The following TIMM23 variants were observed in gnomAD, a reference collection of about 807,000 sequenced individuals.
The protein encoded by TIMM23 is mitochondrial import inner membrane translocase subunit Tim23.
In TIMM23, 19 loss-of-function variants were observed where a neutral mutation model predicts 30.7. The observed-to-expected ratio is 0.62, with a 90% confidence interval of 0.43 to 0.91. TIMM23 has a LOEUF of 0.91. Among genes scored for constraint, TIMM23 ranks in the 40% least tolerant of loss-of-function variants. The pLI is 0.00. For missense variants in TIMM23, 202 were observed against 269.2 expected (o/e 0.75, Z 1.75); for synonymous variants, 78 against 98.5 (o/e 0.79, Z 1.23).
intron 2 of TIMM23, among the ~76,000 whole-genome samples, 184 bp downstream of exon 2, chr10:45,975,696 C>T (rs1329089938): frequency 6.6e-6 from 1 of 152,142 alleles, no homozygotes; most frequent in Non-Finnish European, 1.5e-5. Flanking sequence ...CAGTTAACTC[C>T]CTTCAAAAGC....
chr10:45,975,578 T>G lies in TIMM23; in HGVS notation c.165+66T>G, dbSNP rs1254032681. ...ATTTTAAAAAAAACGCCAAGTGCTA[T>G]GCTGACTTGAACTATGACATACACT... On this transcript the variant is annotated intron_variant, in intron 2 of 6. Coordinates refer to ENST00000580018, the MANE Select transcript of TIMM23 (RefSeq NM_006327.4). 8 of 1,600,088 alleles carry G rather than the reference T, an allele frequency of 5.0e-6. No individual in the cohort carries two copies. The African/African-American group carries it at 1.1e-4, about 22-fold the overall frequency.
chr10:45,988,951 T>A (rs1838077175), intron 6 of TIMM23, 104 bp downstream of exon 6: 1 of 796,632 alleles, frequency 1.3e-6, no homozygotes, highest in African/African-American at 1.7e-5. Context: ...TATAATCTAG[T>A]GTTCTAACTT....
At chr10:46,003,155 C>T (rs782684914) in intron 6 of TIMM23, 48 bp from the exon 7 acceptor site, 10 of 1,429,020 alleles carry the variant, frequency 7.0e-6, no homozygotes, top group African/African-American at 1.4e-5. Flanking sequence ...TGCTAGGGCA[C>T]TATGCAATAT....
In TIMM23 at chr10:45,993,346, G is replaced by C. The variant is rs1488343062; in HGVS notation, c.514+4499G>C. 4.0e-5 allele frequency among the ~76,000 whole-genome samples: 6 copies of C among 149,068 alleles called. No individual in the cohort carries two copies. In the Admixed American group the frequency reaches 4.1e-4, roughly 10 times the overall value. ...CAGCACCCTCTGCCTCCTGCCTCCT[G>C]AGTTCGAGCGATTCTCCTGCCTCAT... On this transcript the variant is annotated intron_variant, in intron 6 of 6. Transcript: ENST00000580018.
At chr10:45,985,248 T>C (rs1837959997) in intron 4 of TIMM23, 135 bp from the exon 5 acceptor site, 1 of 722,588 alleles carries the variant, frequency 1.4e-6, no homozygotes, top group African/African-American at 1.8e-5. Context: ...AAATCGGAGA[T>C]ATTAAGATGT....
chr10:45,981,544 G>A (rs1837845274), intron 2 of TIMM23, among the ~76,000 whole-genome samples: 1 of 151,754 alleles, frequency 6.6e-6, no homozygotes, highest in South Asian at 2.1e-4. Flanking sequence ...TGCAATTTTT[G>A]GTGAGGATGT....
intron 6 of TIMM23, among the ~76,000 whole-genome samples, 163 bp from the exon 7 acceptor site, chr10:46,003,040 C>T (rs1838599137): frequency 6.6e-6 from 1 of 152,078 alleles, no homozygotes; most frequent in African/African-American, 2.4e-5. Context: ...GCTGGTTGAA[C>T]TCCTATCCTC....
intron 6 of TIMM23, chr10:45,992,750 G>T: frequency 2.8e-6 from 1 of 353,676 alleles, no homozygotes; most frequent in East Asian, 7.5e-5. Context: ...TAGAGTCAGG[G>T]TTTCACCATG....
intron 1 of TIMM23, among the ~76,000 whole-genome samples, 193 bp downstream of exon 1, chr10:45,972,923 C>G: frequency 6.6e-6 from 1 of 152,154 alleles, no homozygotes; most frequent in East Asian, 1.9e-4. Flanking sequence ...GGCCACGGAT[C>G]TCCTGGGGAA....
intron 2 of TIMM23, among the ~76,000 whole-genome samples, chr10:45,981,454 TG>T (rs1837841754): frequency 6.6e-6 from 1 of 151,958 alleles, no homozygotes; most frequent in Non-Finnish European, 1.5e-5. Context: ...AATTATATTA[TG>T]ACATGGGATC....
At chr10:45,983,554 T>G (rs1232508028) in intron 4 of TIMM23, among the ~76,000 whole-genome samples, 7 of 152,330 alleles carry the variant, frequency 4.6e-5, no homozygotes, top group African/African-American at 1.7e-4. Flanking sequence ...CCTCTTGATA[T>G]TCCTTAAACA....
At chr10:45,978,586 A>G (rs1360079407) in intron 2 of TIMM23, among the ~76,000 whole-genome samples, 2 of 152,234 alleles carry the variant, frequency 1.3e-5, no homozygotes, top group African/African-American at 4.8e-5. Flanking sequence ...TAAAACCACA[A>G]TGAGATACCT....
chr10:46,002,156 T>C (rs1838559469), intron 6 of TIMM23, among the ~76,000 whole-genome samples: 1 of 152,116 alleles, frequency 6.6e-6, no homozygotes, highest in Non-Finnish European at 1.5e-5. Context: ...CACCAGCATC[T>C]AACTCAAAGT....
At chr10:45,994,817 A>G (rs1263334895) in intron 6 of TIMM23, among the ~76,000 whole-genome samples, 1 of 152,042 alleles carries the variant, frequency 6.6e-6, no homozygotes, top group Non-Finnish European at 1.5e-5. Context: ...GGGATTAGCC[A>G]TTCCCTAAAT....
intron 4 of TIMM23, among the ~76,000 whole-genome samples, chr10:45,983,710 A>G (rs1277248474): frequency 2.0e-5 from 3 of 152,170 alleles, no homozygotes; most frequent in Non-Finnish European, 2.9e-5. Context: ...CAGATGTGCT[A>G]GAATTAGACC....
chr10:45,994,815 C>G (rs1490077108), intron 6 of TIMM23, among the ~76,000 whole-genome samples: 1 of 151,912 alleles, frequency 6.6e-6, no homozygotes, highest in Non-Finnish European at 1.5e-5. Flanking sequence ...CAGGGATTAG[C>G]CATTCCCTAA....
rs557541568 is a variant in TIMM23, at chr10:46,003,426, T to C, written c.*108T>C. 32 of 801,856 alleles carry C rather than the reference T, an allele frequency of 4.0e-5. No individual in the cohort carries two copies. In the South Asian group the frequency reaches 5.4e-4, roughly 14 times the overall value. The allele number at this position is 801,856 out of a possible 1,614,324, so 49.7% of individuals were successfully genotyped here. A position where few individuals can be genotyped will look rare whatever the true frequency, so the allele number is the denominator to read the frequency against. ...TTCTACCTACAATTAGTTTGAAAAA[T>C]TGGAGATTTTGATTTGCTGTGATGA... On this transcript the variant is annotated 3_prime_UTR_variant, in exon 7 of 7. Coordinates refer to ENST00000580018, the MANE Select transcript of TIMM23 (RefSeq NM_006327.4).
At chr10:45,991,821 G>A (rs1838172153) in intron 6 of TIMM23, among the ~76,000 whole-genome samples, 1 of 152,024 alleles carries the variant, frequency 6.6e-6, no homozygotes, top group Non-Finnish European at 1.5e-5. Context: ...GCTGTTTGGT[G>A]GTTTCTTTCT....
chr10:45,999,730 C>T (rs1838461669), intron 6 of TIMM23, among the ~76,000 whole-genome samples: 1 of 152,060 alleles, frequency 6.6e-6, no homozygotes, highest in Non-Finnish European at 1.5e-5. Context: ...TTGAGAGCAA[C>T]CGGTCTGACC....
Sources: allele counts gnomAD v4.1 joint callset (sites outside exome capture counted in the v4.1 genomes callset), GRCh38; gene constraint gnomAD v4.1.1; transcripts MANE v1.5; gene names NCBI Gene and HGNC (gene_info 2026-07-23, HGNC 2026-07-21).